KSR2: variants seen among roughly 807,000 people sequenced by gnomAD.
KSR2 encodes kinase suppressor of ras 2.
In KSR2, 25 loss-of-function variants were observed where a neutral mutation model predicts 107.8. The observed-to-expected ratio is 0.23, with a 90% confidence interval of 0.17 to 0.32. The LOEUF is 0.32. KSR2 is among the 10% of genes least tolerant of loss of function. The pLI, the probability that KSR2 is intolerant of heterozygous loss-of-function variation, is 1.00. For missense variants in KSR2, 887 were observed against 1,268.9 expected (o/e 0.70, Z 4.57); for synonymous variants, 480 against 507.0 (o/e 0.95, Z 0.71).
intron 3 of KSR2, among the ~76,000 whole-genome samples, chr12:117,770,742 C>G (rs947178636): frequency 1.3e-5 from 2 of 151,182 alleles, no homozygotes; most frequent in Non-Finnish European, 2.9e-5. Flanking sequence ...CCGAGGCAGG[C>G]AGATCACGAG....
At chr12:117,706,012 G>A (rs1051043011) in intron 4 of KSR2, among the ~76,000 whole-genome samples, 9 of 151,748 alleles carry the variant, frequency 5.9e-5, no homozygotes, top group South Asian at 2.1e-4. Flanking sequence ...TGCCCTGTGC[G>A]GAGTGGTTGG....
At chr12:117,607,644 GAGGGGAGGAAAGGA>G (rs1263714348) in intron 5 of KSR2, among the ~76,000 whole-genome samples, 4 of 131,020 alleles carry the variant, frequency 3.1e-5, no homozygotes, top group African/African-American at 6.5e-5. Context: ...ACCTCCCGGA[GAGGGGAGGAAAGGA>G]GAGGAGAGGA....
intron 4 of KSR2, among the ~76,000 whole-genome samples, chr12:117,668,608 C>T (rs961172860): frequency 3.3e-5 from 5 of 152,168 alleles, no homozygotes; most frequent in African/African-American, 1.2e-4. Flanking sequence ...GTCTCACCAC[C>T]CCCGGGTGAG....
At chr12:117,628,947 A>ATCGATC (rs1363729585) in intron 5 of KSR2, among the ~76,000 whole-genome samples, 1 of 152,220 alleles carries the variant, frequency 6.6e-6, no homozygotes, top group African/African-American at 2.4e-5. Flanking sequence ...TGTCTGGCAG[A>ATCGATC]TCGATCTCGG....
chr12:117,537,023 A>G (rs1876102483), intron 10 of KSR2, among the ~76,000 whole-genome samples: 1 of 152,204 alleles, frequency 6.6e-6, no homozygotes, highest in Non-Finnish European at 1.5e-5. Context: ...GATGAGCCTC[A>G]CCAATATGGT....
chr12:117,487,184 A>T (rs1182411665), intron 14 of KSR2, among the ~76,000 whole-genome samples: 1 of 152,220 alleles, frequency 6.6e-6, no homozygotes, highest in Admixed American at 6.5e-5. Flanking sequence ...TTGTTAAGTG[A>T]TTAATAAAAT....
intron 7 of KSR2, among the ~76,000 whole-genome samples, chr12:117,570,817 G>A (rs1878841061): frequency 6.6e-6 from 1 of 152,218 alleles, no homozygotes; most frequent in South Asian, 2.1e-4. Flanking sequence ...ACACAGCGAG[G>A]GAGTGGCAGG....
chr12:117,706,296 G>A (rs557159126), intron 4 of KSR2, among the ~76,000 whole-genome samples: 8 of 151,984 alleles, frequency 5.3e-5, no homozygotes, highest in Non-Finnish European at 8.8e-5. Context: ...CGCCTGCCTC[G>A]GCCTCCCAAA....
chr12:117,539,666 A>G, intron 10 of KSR2, 53 bp downstream of exon 10: 8 of 1,505,490 alleles, frequency 5.3e-6, no homozygotes, highest in Non-Finnish European at 6.2e-6. Flanking sequence ...CCCCTCCCTA[A>G]TCTCTGCCCC....
At chr12:117,491,146 A>G (rs1014667842) in intron 14 of KSR2, among the ~76,000 whole-genome samples, 2 of 152,126 alleles carry the variant, frequency 1.3e-5, no homozygotes, top group African/African-American at 2.4e-5. Flanking sequence ...TTTAGATTCC[A>G]CATATAAGTG....
intron 5 of KSR2, among the ~76,000 whole-genome samples, chr12:117,610,720 CAG>C (rs1881544755): frequency 7.8e-6 from 1 of 128,934 alleles, no homozygotes; most frequent in Admixed American, 9.4e-5. Flanking sequence ...GCCTGGGTGA[CAG>C]AGTGAGACCC....
intron 2 of KSR2, among the ~76,000 whole-genome samples, chr12:117,856,479 A>G (rs956957467): frequency 4.6e-5 from 7 of 151,480 alleles, no homozygotes; most frequent in African/African-American, 1.7e-4. Context: ...TTTTTTGTTT[A>G]TTTGTTTGTT....
At position 117,591,711 on chromosome 12, in the gene KSR2, T is replaced by TAA. The variant is rs562589540; in HGVS notation, c.1172-9354_1172-9353dup. 1.4e-3 allele frequency among the ~76,000 whole-genome samples: 199 copies of TAA among 142,766 alleles called. 3 individuals carry two copies. Among genetic ancestry groups the TAA allele is most frequent in the Admixed American group, 3.8e-3 (54 of 14,308 alleles). 93.7% of individuals were successfully genotyped at this position (142,766 alleles called of 152,430 possible). A position where few individuals can be genotyped will look rare whatever the true frequency, so the allele number is the denominator to read the frequency against. On this transcript the variant is annotated intron_variant, in intron 5 of 19. Transcript: ENST00000339824. ...CATTCCACCTGGTCCCACCCCTGCT[T>TAA]AAAAAAAAAAAAAATGATGCAGTGG...
chr12:117,618,256 T>A (rs1389598239), intron 5 of KSR2, among the ~76,000 whole-genome samples: 1 of 152,070 alleles, frequency 6.6e-6, no homozygotes, highest in East Asian at 1.9e-4. Context: ...CTATTTCTAG[T>A]TTACCCTTAC....
chr12:117,856,119 C>T (rs1255226404), intron 2 of KSR2, among the ~76,000 whole-genome samples: 3 of 152,186 alleles, frequency 2.0e-5, no homozygotes, highest in Non-Finnish European at 4.4e-5. Flanking sequence ...GCTGAAAGTC[C>T]ATGCCCCGTG....
At chr12:117,636,765 CA>C (rs1407790902) in intron 5 of KSR2, among the ~76,000 whole-genome samples, 1 of 152,104 alleles carries the variant, frequency 6.6e-6, no homozygotes, top group African/African-American at 2.4e-5. Context: ...TGTTAAATAA[CA>C]TTTTTTAAAA....
At chr12:117,636,461 C>A (rs7959362) in intron 5 of KSR2, among the ~76,000 whole-genome samples, 112,943 of 151,840 alleles carry the variant, frequency 0.74, 42,270 homozygotes, top group East Asian at 0.96. Context: ...ACTGAAATAA[C>A]AAACCAGTCA....
At chr12:117,914,046 G>A (rs1430645674) in intron 1 of KSR2, among the ~76,000 whole-genome samples, 1 of 152,174 alleles carries the variant, frequency 6.6e-6, no homozygotes, top group Non-Finnish European at 1.5e-5. Context: ...TATGGAAACA[G>A]TATACCTACC....
At chr12:117,478,515 G>T (rs746360220) in intron 16 of KSR2, among the ~76,000 whole-genome samples, 2 of 151,880 alleles carry the variant, frequency 1.3e-5, no homozygotes, top group African/African-American at 4.8e-5. Flanking sequence ...GTTCATGGTC[G>T]CTTGAACTCC....
Sources: gnomAD v4.1 joint callset for allele counts (sites outside exome capture counted in the v4.1 genomes callset) on GRCh38, gnomAD v4.1.1 for gene constraint, MANE v1.5 for transcripts, NCBI Gene and HGNC (gene_info 2026-07-23, HGNC 2026-07-21) for gene names.